BICD1: variants seen among roughly 807,000 people sequenced by gnomAD.
The protein encoded by BICD1 is protein bicaudal D homolog 1.
A neutral mutation model predicts 92.5 loss-of-function variants in BICD1; 35 were observed. The ratio of observed to expected loss-of-function variants is 0.38; its 90% CI spans 0.29 to 0.50. BICD1 has a LOEUF of 0.50. Ranked by LOEUF, BICD1 falls within the 20% of genes least tolerant of loss-of-function variation. BICD1 has a pLI of 0.93. For synonymous variants in BICD1, 429 were observed against 465.1 expected (o/e 0.92, Z 1.00); for missense variants, 950 against 1,189.8 (o/e 0.80, Z 2.97).
rs535086031 is a variant in BICD1 at position 32,303,274 on chromosome 12, G to A, written c.580-2423G>A. On this transcript the variant is annotated intron_variant, in intron 3 of 9. Coordinates refer to ENST00000652176, the MANE Select transcript of BICD1 (RefSeq NM_001714.4). ...TGCATTTCACACACCATAGTGTGGT[G>A]AGCACATTCTTTCACTGAAATAACA... is the stretch of plus-strand genomic sequence containing the variant. Among the ~76,000 whole-genome samples the A allele has an allele frequency of 3.9e-5, 6 of 152,046 alleles. No homozygotes were observed. In the South Asian group the frequency reaches 1.2e-3, roughly 32 times the overall value.
At chr12:32,325,310 G>C (rs183790) in intron 4 of BICD1, among the ~76,000 whole-genome samples, 76,085 of 151,938 alleles carry the variant, frequency 0.5, 19,464 homozygotes, top group Middle Eastern at 0.55. Context: ...TAACAGATAC[G>C]TAGTAACCAA....
chr12:32,211,936 C>A (rs1282737250), intron 1 of BICD1, among the ~76,000 whole-genome samples: 1 of 152,192 alleles, frequency 6.6e-6, no homozygotes, highest in African/African-American at 2.4e-5. Flanking sequence ...ATTACTGATG[C>A]AAGAGCAAAG....
chr12:32,182,278 CT>C (rs759328721), intron 1 of BICD1, among the ~76,000 whole-genome samples: 3,687 of 81,328 alleles, frequency 0.045, 28 homozygotes, highest in Middle Eastern at 0.098. Flanking sequence ...TTCTTTCTTT[CT>C]TTTTTTTTTT....
intron 9 of BICD1, among the ~76,000 whole-genome samples, chr12:32,371,577 C>T (rs1270458308): frequency 6.6e-6 from 1 of 151,826 alleles, no homozygotes; most frequent in Admixed American, 6.6e-5. Context: ...AGTTTTTTGG[C>T]GTTTTTTTGT....
At chr12:32,300,951 C>G (rs1275215120) in intron 3 of BICD1, among the ~76,000 whole-genome samples, 1 of 151,992 alleles carries the variant, frequency 6.6e-6, no homozygotes, top group Non-Finnish European at 1.5e-5. Flanking sequence ...GCGCCCGGCC[C>G]AACTTTACAG....
At position 32,338,995 on chromosome 12, in the gene BICD1, T is replaced by C. The variant is rs1398051468; in HGVS notation, c.2764+16T>C. The C allele has an allele frequency of 1.0e-5, 16 of 1,582,244 alleles. No individual in the cohort carries two copies. Among genetic ancestry groups the C allele is most frequent in the East Asian group, 2.3e-5 (1 of 42,832 alleles). ...GCTCCACCAGGTAAACATTTTTTCC[T>C]TGGGTGCATGTGATGCAAATGATTA... On this transcript the variant is annotated intron_variant, in intron 8 of 9. Transcript: ENST00000652176.
intron 4 of BICD1, among the ~76,000 whole-genome samples, chr12:32,320,320 G>C (rs960378768): frequency 3.9e-5 from 6 of 151,924 alleles, no homozygotes; most frequent in African/African-American, 1.5e-4. Flanking sequence ...AGTCTGGGCT[G>C]CATAGAGAGA....
Position 32,216,299 on chromosome 12 carries a change from C to T in BICD1, c.266C>T (p.Thr89Ile). ...IHRKVAEDGETREETLLQESA... is the reference protein window; with the variant it reads ...IHRKVAEDGEIREETLLQESA... ...CGGAAGGTTGCTGAAGATGGAGAGA[C>T]TCGGGAGGAAACGCTTCTGCAGGAG... Residue 89 changes from threonine to isoleucine, a missense_variant, in exon 2 of 10, where the codon ACT becomes ATT. Around this residue, in one of 5 missense-constraint regions of BICD1, gnomAD observed 202 missense variants for 205.3 expected, o/e 0.98. Coordinates refer to ENST00000652176, the MANE Select transcript of BICD1 (RefSeq NM_001714.4). 6.2e-7 allele frequency: 1 copy of T among 1,614,094 alleles called. No homozygotes were observed.
At chr12:32,293,723 T>C (rs10844169) in intron 2 of BICD1, among the ~76,000 whole-genome samples, 27,851 of 152,118 alleles carry the variant, frequency 0.18, 2,734 homozygotes, top group South Asian at 0.26. Context: ...TGTTTCCAAT[T>C]TTTTGTGTAA....
chr12:32,202,715 G>A (rs1944941402), intron 1 of BICD1, among the ~76,000 whole-genome samples: 1 of 152,076 alleles, frequency 6.6e-6, no homozygotes, highest in Non-Finnish European at 1.5e-5. Context: ...GGCTCAAGCA[G>A]TCCTCCCATC....
chr12:32,108,521 A>T, intron 1 of BICD1: 1 of 507,232 alleles, frequency 2.0e-6, no homozygotes, highest in Non-Finnish European at 3.5e-6. Context: ...ACAAATTTAA[A>T]TGTAATATAC....
chr12:32,110,639 C>A (rs1463464700), intron 1 of BICD1, among the ~76,000 whole-genome samples: 2 of 152,134 alleles, frequency 1.3e-5, no homozygotes, highest in African/African-American at 2.4e-5. Flanking sequence ...GTGCGCCTGT[C>A]ACCCAGGCCA....
rs368739290 is a variant in BICD1 at position 32,135,010 on chromosome 12, A to G, written c.213+27466A>G. Among the ~76,000 whole-genome samples the G allele has an allele frequency of 1.3e-4, 17 of 133,394 alleles. No homozygotes were observed. In the South Asian group the frequency reaches 3.4e-3, roughly 27 times the overall value. The allele number at this position is 133,394 out of a possible 152,430, so 87.5% of individuals were successfully genotyped here. ...TTTCTGTGTGGCATCAGAGGGCTAGAGGTGAATGAGTCCTCCTCTCCTCTC... is the reference window on the plus strand; with the variant it reads ...TTTCTGTGTGGCATCAGAGGGCTAGGGGTGAATGAGTCCTCCTCTCCTCTC... On this transcript the variant is annotated intron_variant, in intron 1 of 9. Transcript: ENST00000652176.
At chr12:32,112,798 TCAAAA>T (rs1336497556) in intron 1 of BICD1, among the ~76,000 whole-genome samples, 2 of 152,142 alleles carry the variant, frequency 1.3e-5, no homozygotes, top group Admixed American at 1.3e-4. Flanking sequence ...TCACCAGTCT[TCAAAA>T]CAATTCAGAG....
At position 32,292,834 on chromosome 12, in the gene BICD1, C is replaced by T. The variant is rs1483891223; in HGVS notation, c.427-1160C>T. Among the ~76,000 whole-genome samples, 5 of 152,258 alleles carry T rather than the reference C, an allele frequency of 3.3e-5. No homozygotes were observed. The East Asian group carries it at 9.6e-4, about 29-fold the overall frequency. On this transcript the variant is annotated intron_variant, in intron 2 of 9. Coordinates refer to ENST00000652176, the MANE Select transcript of BICD1 (RefSeq NM_001714.4). ...AAGAAAACTTTTATATCCCATCTTTCCATGACTATGAATATGTTACATGTA... is the reference window on the plus strand; with the variant it reads ...AAGAAAACTTTTATATCCCATCTTTTCATGACTATGAATATGTTACATGTA...
intron 1 of BICD1, among the ~76,000 whole-genome samples, chr12:32,144,778 C>T (rs986242231): frequency 4.6e-5 from 7 of 152,168 alleles, no homozygotes; most frequent in African/African-American, 1.7e-4. Context: ...AATATTAATC[C>T]AAACTACTCA....
At chr12:32,250,775 G>C (rs1360232492) in intron 2 of BICD1, among the ~76,000 whole-genome samples, 2 of 152,076 alleles carry the variant, frequency 1.3e-5, no homozygotes, top group Non-Finnish European at 1.5e-5. Context: ...GAGCCTACGA[G>C]TTCAAGACCA....
In BICD1 at chr12:32,313,551, ATATT is replaced by A. The variant is rs1303916074; in HGVS notation, c.1005+7433_1005+7436del. On this transcript the variant is annotated intron_variant, in intron 4 of 9. Transcript: ENST00000652176. The surrounding 1 kb of genome is among the most constrained non-coding windows in gnomAD (Gnocchi z 4.2). ...TTATCTCTGCTTAAACACTCACAGA[ATATT>A]TATAGGATGACATTAATGAAAACAA... Among the ~76,000 whole-genome samples, 3 of 152,244 alleles carry A rather than the reference ATATT, an allele frequency of 2.0e-5. No individual in the cohort carries two copies. The highest frequency in any genetic ancestry group is 6.5e-5 in the Admixed American group (1 of 15,286).
In BICD1 at chr12:32,377,658, T is replaced by C. The variant is rs200272602; in HGVS notation, c.*31T>C. 7.0e-6 allele frequency: 11 copies of C among 1,577,738 alleles called. No homozygotes were observed. In the African/African-American group the frequency reaches 1.2e-4, roughly 17 times the overall value. On this transcript the variant is annotated 3_prime_UTR_variant, in exon 10 of 10. Coordinates refer to ENST00000652176, the MANE Select transcript of BICD1 (RefSeq NM_001714.4). ...ATCTCCTGTGGACGAACATCTGGGG[T>C]GGAAGTTTTGTAGCCACACACAGGA...
Sources: allele counts gnomAD v4.1 joint callset (sites outside exome capture counted in the v4.1 genomes callset), GRCh38; gene constraint gnomAD v4.1.1; regional missense constraint gnomAD v4.1.1; non-coding constraint Gnocchi (gnomAD v3.1); transcripts MANE v1.5; gene names NCBI Gene and HGNC (gene_info 2026-07-23, HGNC 2026-07-21).